The following EIF2B1 variants were observed in gnomAD, a reference collection of about 807,000 sequenced individuals.
The protein encoded by EIF2B1 is eukaryotic translation initiation factor 2B subunit alpha.
A neutral mutation model predicts 36.8 loss-of-function variants in EIF2B1; 30 were observed. That is an observed-to-expected ratio of 0.81 (90% confidence interval 0.61 to 1.10). The LOEUF (loss-of-function observed/expected upper bound fraction) is 1.10, where lower values mean the gene tolerates loss of function less well. EIF2B1 is among the 50% of genes least tolerant of loss of function. EIF2B1 has a pLI of 0.00. For synonymous variants in EIF2B1, 139 were observed against 142.2 expected, an observed-to-expected ratio of 0.98 and a Z score of 0.16; for missense variants, 271 against 374.8, an observed-to-expected ratio of 0.72 and a Z score of 2.29.
At position 123,632,265 on chromosome 12, in the gene EIF2B1, C is replaced by G. The variant is rs144005761; in HGVS notation, c.115+80G>C. ...CCTGGGTGACAGAGTGAGGCTCCGT[C>G]TCTTTAAAAAAAAAAAAAAAGAAAA... On this transcript the variant is annotated intron_variant, in intron 2 of 8. Transcript: ENST00000424014. 1,427 of 961,828 alleles carry G rather than the reference C, an allele frequency of 1.5e-3. 24 individuals are homozygous for G. In the East Asian group the frequency reaches 0.031, roughly 21 times the overall value. The allele number at this position is 961,828 out of a possible 1,614,324, so 59.6% of individuals were successfully genotyped here.
chr12:123,622,222 G>A (rs886781249), intron 8 of EIF2B1, among the ~76,000 whole-genome samples: 3 of 152,146 alleles, frequency 2.0e-5, no homozygotes, highest in African/African-American at 4.8e-5. Context: ...AGCTTGCAGC[G>A]TGCCAGGGAC....
intron 7 of EIF2B1, among the ~76,000 whole-genome samples, chr12:123,624,415 C>T (rs1359768114): frequency 2.0e-5 from 3 of 151,838 alleles, no homozygotes; most frequent in East Asian, 1.9e-4. Flanking sequence ...AGCACCACCA[C>T]GCCCAGCTAA....
At position 123,621,702 on chromosome 12, in the gene EIF2B1, A is replaced by G; in HGVS notation, c.*54T>C. The stretch of plus-strand genomic sequence containing the variant: ...TGACTCACTGGGGTGTCAAGCAGCT[A>G]CTCACCCTGCCTCAACTACGTAAGC... On this transcript the variant is annotated 3_prime_UTR_variant, in exon 9 of 9. Transcript: ENST00000424014. The G allele has an allele frequency of 1.2e-6, 2 of 1,610,714 alleles. No homozygotes were observed. The highest frequency in any genetic ancestry group is 1.7e-6 in the Non-Finnish European group (2 of 1,178,732).
Position 123,630,093 on chromosome 12 carries a change from G to C in EIF2B1, c.369+76C>G. 1 of 1,285,584 alleles carries C rather than the reference G, an allele frequency of 7.8e-7. No individual in the cohort carries two copies. Among genetic ancestry groups the C allele is most frequent in the Non-Finnish European group, 1.1e-6 (1 of 886,222 alleles). 79.6% of individuals were successfully genotyped at this position (1,285,584 alleles called of 1,614,324 possible). A position where few individuals can be genotyped will look rare whatever the true frequency, so the allele number is the denominator to read the frequency against. On this transcript the variant is annotated intron_variant, in intron 4 of 8. Transcript: ENST00000424014. The surrounding 1 kb of genome is among the most constrained non-coding windows in gnomAD (Gnocchi z 4.6). ...AAGTCTCCACAGCAAGTGAGTGGCAGAGCCCGGATTTTACCCCAGGCAGTC... is the reference window on the plus strand; with the variant it reads ...AAGTCTCCACAGCAAGTGAGTGGCACAGCCCGGATTTTACCCCAGGCAGTC...
intron 7 of EIF2B1, among the ~76,000 whole-genome samples, chr12:123,624,525 G>T (rs1328077219): frequency 6.6e-6 from 1 of 152,102 alleles, no homozygotes; most frequent in Non-Finnish European, 1.5e-5. Context: ...CTCTCAAATT[G>T]CTAGGATTAC....
chr12:123,627,224 G>A (rs190571435), intron 4 of EIF2B1, 68 bp from the exon 5 acceptor site: 389 of 1,240,014 alleles, frequency 3.1e-4, no homozygotes, highest in Non-Finnish European at 4.4e-4. Flanking sequence ...TCTGCACTGC[G>A]GCACGTGTTC....
At position 123,627,016 on chromosome 12, in the gene EIF2B1, G is replaced by C. The variant is rs770465765; in HGVS notation, c.482+28C>G. 45 of 1,589,472 alleles carry C rather than the reference G, an allele frequency of 2.8e-5. No homozygotes were observed. The Middle Eastern group carries it at 8.3e-4, about 29-fold the overall frequency. ...GTTTGCTCTGTAAAATTATGGCTGG[G>C]CACATAACTGAACAGAAAGGTACTT... On this transcript the variant is annotated intron_variant, in intron 5 of 8. Transcript: ENST00000424014.
chr12:123,632,900 T>C (rs1357269553), intron 1 of EIF2B1, among the ~76,000 whole-genome samples: 4 of 140,132 alleles, frequency 2.9e-5, no homozygotes, highest in African/African-American at 8.2e-5. Flanking sequence ...GAGCCGAGAC[T>C]GCGCCACTGC....
chr12:123,632,376 C>A lies in EIF2B1; in HGVS notation c.84G>T (p.Arg28=). The change falls in exon 2 of 9, where the codon CGG becomes CGT. Residue 28 remains arginine, a synonymous_variant. Transcript: ENST00000424014. ...PDMASAVAAI[R]TLLEFLKRDK... ...CTCTCTTCAAGAACTCCAGCAACGT[C>A]CGGATGGCAGCCACTGCTGAGGCCA... 1 of 1,613,702 alleles carries A rather than the reference C, an allele frequency of 6.2e-7. No homozygotes were observed. The highest frequency in any genetic ancestry group is 8.5e-7 in the Non-Finnish European group (1 of 1,179,784).
rs1180171217 is a variant in EIF2B1 at position 123,633,582 on chromosome 12, A to G, written c.-25T>C. On this transcript the variant is annotated 5_prime_UTR_variant, in exon 1 of 9. Coordinates refer to ENST00000424014, the MANE Select transcript of EIF2B1 (RefSeq NM_001414.4). ...TGGCGTCCTCCTGCTGCGGAGCCCC[A>G]GGGGACCCGAGCCGCCCGCGCTGTC... is the stretch of plus-strand genomic sequence containing the variant. 2 of 1,607,852 alleles carry G rather than the reference A, an allele frequency of 1.2e-6. No individual in the cohort carries two copies. Among genetic ancestry groups the G allele is most frequent in the Non-Finnish European group, 1.7e-6 (2 of 1,179,922 alleles).
At chr12:123,632,530 A>C in intron 1 of EIF2B1, 84 bp from the exon 2 acceptor site, 1 of 925,340 alleles carries the variant, frequency 1.1e-6, no homozygotes, top group Non-Finnish European at 1.8e-6. Context: ...GTTGACTTTA[A>C]GAAGCAAACA....
At chr12:123,621,968 G>A in intron 8 of EIF2B1, 48 bp from the exon 9 acceptor site, 1 of 1,606,060 alleles carries the variant, frequency 6.2e-7, no homozygotes, top group Non-Finnish European at 8.5e-7. Flanking sequence ...TTAGTGCTCT[G>A]ACCTGGTAGG....
chr12:123,630,124 C>A lies in EIF2B1; in HGVS notation c.369+45G>T, dbSNP rs73416221. The A allele has an allele frequency of 2.5e-6, 4 of 1,576,952 alleles. No homozygotes were observed. In the South Asian group the frequency reaches 4.4e-5, roughly 17 times the overall value. On this transcript the variant is annotated intron_variant, in intron 4 of 8. Transcript: ENST00000424014. The surrounding 1 kb of genome is among the most constrained non-coding windows in gnomAD (Gnocchi z 4.6). Reference sequence around the variant, plus strand: ...GGATTTTACCCCAGGCAGTCGGACTCGAAACCGTTGCTCCTCCTTACCACC... The same window carrying A: ...GGATTTTACCCCAGGCAGTCGGACTAGAAACCGTTGCTCCTCCTTACCACC...
At chr12:123,626,597 A>G in intron 5 of EIF2B1, 104 bp from the exon 6 acceptor site, 2 of 1,291,284 alleles carry the variant, frequency 1.5e-6, no homozygotes, top group Non-Finnish European at 2.2e-6. Context: ...ACTCACATTA[A>G]TACTAATGGG....
intron 2 of EIF2B1, among the ~76,000 whole-genome samples, chr12:123,631,565 T>C (rs998956360): frequency 1.3e-5 from 2 of 151,954 alleles, no homozygotes; most frequent in Non-Finnish European, 2.9e-5. Context: ...TCCCAGCACT[T>C]TGGGAGGCCG....
chr12:123,630,192 G>T lies in EIF2B1; in HGVS notation c.346C>A (p.His116Asn). Residue 116 changes from histidine (H) to asparagine (N), a missense_variant, in exon 4 of 9, where the codon CAT (histidine) becomes AAT (asparagine). Physicochemically the swap from His to Asn is moderately conservative, Grantham distance 68. Transcript: ENST00000424014. The surrounding 1 kb of genome is among the most constrained non-coding windows in gnomAD (Gnocchi z 4.6). ...LSRNKIADLC[H>N]TFIKDGATIL... Reference sequence around the variant, plus strand: ...ACCGCTCCATCTTTGATGAAAGTATGGCACAGATCTGCAATTTTGTTTCTT... The same window carrying T: ...ACCGCTCCATCTTTGATGAAAGTATTGCACAGATCTGCAATTTTGTTTCTT... 6.2e-7 allele frequency: 1 copy of T among 1,613,934 alleles called. No homozygotes were observed. The highest frequency in any genetic ancestry group is 8.5e-7 in the Non-Finnish European group (1 of 1,179,978).
intron 4 of EIF2B1, among the ~76,000 whole-genome samples, chr12:123,629,240 A>G (rs1347640188): frequency 6.6e-6 from 1 of 152,178 alleles, no homozygotes; most frequent in Non-Finnish European, 1.5e-5. Context: ...GGGCATTATG[A>G]TAGTTTCATT....
intron 5 of EIF2B1, 84 bp downstream of exon 5, chr12:123,626,960 T>C: frequency 7.9e-7 from 1 of 1,258,674 alleles, no homozygotes; most frequent in Non-Finnish European, 1.2e-6. Context: ...GGGCACATTC[T>C]GGTTCTGATC....
At chr12:123,633,268 T>G (rs568418821) in intron 1 of EIF2B1, among the ~76,000 whole-genome samples, 1 of 149,502 alleles carries the variant, frequency 6.7e-6, no homozygotes, top group African/African-American at 2.5e-5. Flanking sequence ...TATGCCTTAT[T>G]CATTCTAATT....
Sources: gnomAD v4.1 joint callset for allele counts (sites outside exome capture counted in the v4.1 genomes callset) on GRCh38, gnomAD v4.1.1 for gene constraint, Gnocchi (gnomAD v3.1) non-coding constraint, MANE v1.5 for transcripts, NCBI Gene and HGNC (gene_info 2026-07-23, HGNC 2026-07-21) for gene names.